Variants in BPIFB4 observed in about 807,000 individuals in gnomAD.
BPIFB4 encodes BPI fold-containing family B member 4.
Under a neutral mutation model 69.2 loss-of-function variants are expected in BPIFB4, and 62 were observed. That is an observed-to-expected ratio of 0.90 (90% confidence interval 0.73 to 1.11). BPIFB4 has a LOEUF of 1.11. BPIFB4 is among the 50% of genes least tolerant of loss of function. The probability of loss-of-function intolerance (pLI) is 0.00; values close to 1 mark genes in which losing one functional copy is unlikely to be tolerated. For missense variants in BPIFB4, 789 were observed against 792.0 expected (o/e 1.00, Z 0.04); for synonymous variants, 330 against 332.7 (o/e 0.99, Z 0.09).
At position 33,088,966 on chromosome 20, in the gene BPIFB4, G is replaced by T; in HGVS notation, c.927G>T (p.Gly309=). 2.5e-6 allele frequency: 4 copies of T among 1,613,764 alleles called. No individual in the cohort carries two copies. Among genetic ancestry groups the T allele is most frequent in the Non-Finnish European group, 3.4e-6 (4 of 1,179,762 alleles). The change falls in exon 8 of 18, where the codon GGG becomes GGT. Residue 309 remains glycine (G), a splice_region_variant and synonymous_variant. Transcript: ENST00000375483. ...CCTCATCCTGCTCCTGTCTCCTTAG[G>T]CTTCTCCCCAATCTCGTGGACAATT... ...LGGIKVKLLR[G]LLPNLVDNLV...
intron 14 of BPIFB4, among the ~76,000 whole-genome samples, chr20:33,101,960 T>C (rs1981919784): frequency 6.6e-6 from 1 of 152,196 alleles, no homozygotes; most frequent in African/African-American, 2.4e-5. Flanking sequence ...ATTGTAAGCT[T>C]TTCTTTTACA....
chr20:33,088,971 TC>T lies in BPIFB4; in HGVS notation c.936del (p.Asn313IlefsTer6). ...GIKVKLLRGL[L>X]PNLVDNLVNR... Reference sequence around the variant, plus strand: ...TCCTGCTCCTGTCTCCTTAGGCTTCTCCCCAATCTCGTGGACAATTTAGTGA... The same window carrying T: ...TCCTGCTCCTGTCTCCTTAGGCTTCTCCCAATCTCGTGGACAATTTAGTGA... On this transcript the variant is annotated frameshift_variant, in exon 8 of 18. Transcript: ENST00000375483. LOFTEE classifies it high-confidence loss of function. The T allele has an allele frequency of 6.2e-7, 1 of 1,613,816 alleles. No homozygotes were observed. Among genetic ancestry groups the T allele is most frequent in the Non-Finnish European group, 8.5e-7 (1 of 1,179,770 alleles).
At position 33,083,770 on chromosome 20, in the gene BPIFB4, C is replaced by T. The variant is rs148665748; in HGVS notation, c.573C>T (p.Leu191=). ...TCCTCGCAGGCCAAGGTGGCCTGCT[C>T]GGCGGAGGTGGTCTCCTTGGTGATG... The part of the protein sequence containing the change: ...DGILAGQGGL[L]GGGGLLGDGG... Residue 191 remains leucine, a synonymous_variant, in exon 5 of 18, where the codon CTC becomes CTT. Transcript: ENST00000375483. 1.6e-5 allele frequency: 26 copies of T among 1,613,668 alleles called. No homozygotes were observed. The East Asian group carries it at 2.9e-4, about 18-fold the overall frequency.
intron 17 of BPIFB4, among the ~76,000 whole-genome samples, chr20:33,110,255 T>C (rs1200447012): frequency 6.6e-6 from 1 of 152,222 alleles, no homozygotes; most frequent in Admixed American, 6.5e-5. Context: ...TTGACATTTC[T>C]GATGAGTCTG....
At chr20:33,109,199 A>AT (rs1982163494) in intron 17 of BPIFB4, among the ~76,000 whole-genome samples, 1 of 152,218 alleles carries the variant, frequency 6.6e-6, no homozygotes, top group South Asian at 2.1e-4. Flanking sequence ...GTGGTGAGAA[A>AT]TTAAACGAGA....
intron 12 of BPIFB4, among the ~76,000 whole-genome samples, chr20:33,095,569 C>T (rs1981733152): frequency 6.6e-6 from 1 of 152,188 alleles, no homozygotes; most frequent in Non-Finnish European, 1.5e-5. Flanking sequence ...GCCAGGCACA[C>T]TCGGGTGCAC....
chr20:33,097,797 T>A lies in BPIFB4; in HGVS notation c.1569+10T>A. 6.2e-7 allele frequency: 1 copy of A among 1,603,280 alleles called. No homozygotes were observed. Among genetic ancestry groups the A allele is most frequent in the Non-Finnish European group, 8.5e-7 (1 of 1,174,256 alleles). On this transcript the variant is annotated intron_variant, in intron 13 of 17. Transcript: ENST00000375483. Reference sequence around the variant, plus strand: ...CTGCCTCATTGACGTGGTGAGTGTCTGGAGGTACTGGTGGCCTCCAGCTGG... The same window carrying A: ...CTGCCTCATTGACGTGGTGAGTGTCAGGAGGTACTGGTGGCCTCCAGCTGG...
At chr20:33,082,610 G>A (rs1436747516) in intron 3 of BPIFB4, among the ~76,000 whole-genome samples, 1 of 152,178 alleles carries the variant, frequency 6.6e-6, no homozygotes, top group East Asian at 1.9e-4. Flanking sequence ...GGGATTACAG[G>A]CATGAGCCAC....
intron 16 of BPIFB4, among the ~76,000 whole-genome samples, chr20:33,105,169 TA>T (rs1478445781): frequency 6.6e-6 from 1 of 152,022 alleles, no homozygotes; most frequent in Non-Finnish European, 1.5e-5. Context: ...TAAAACAATT[TA>T]AAAAAAACTC....
chr20:33,111,476 T>C lies in BPIFB4; in HGVS notation c.*39T>C, dbSNP rs374503104. 234 of 1,613,150 alleles carry C rather than the reference T, an allele frequency of 1.5e-4. No homozygotes were observed. The highest frequency in any genetic ancestry group is 1.8e-4 in the Non-Finnish European group (217 of 1,179,356). On this transcript the variant is annotated 3_prime_UTR_variant, in exon 18 of 18. Coordinates refer to ENST00000375483, the MANE Select transcript of BPIFB4 (RefSeq NM_182519.3). ...AGATGCTGCTGCAACTGGAAGAAGC[T>C]GGAACCAGTCCCAGAGAGGCTCGGC...
intron 7 of BPIFB4, among the ~76,000 whole-genome samples, chr20:33,088,360 A>G (rs1981497241): frequency 6.6e-6 from 1 of 151,822 alleles, no homozygotes; most frequent in Admixed American, 6.6e-5. Flanking sequence ...AAAAAAAGAA[A>G]AGAAAAAGAA....
chr20:33,097,841 A>T, intron 13 of BPIFB4, 54 bp downstream of exon 13: 1 of 1,516,324 alleles, frequency 6.6e-7, no homozygotes, highest in Non-Finnish European at 9.0e-7. Context: ...ACAGAGCCAC[A>T]TGGTCTCCTG....
intron 16 of BPIFB4, among the ~76,000 whole-genome samples, chr20:33,107,400 C>T (rs1427369460): frequency 2.0e-5 from 3 of 152,154 alleles, no homozygotes; most frequent in Admixed American, 6.5e-5. Flanking sequence ...CAAAATCAGC[C>T]TGGCCAACAT....
intron 6 of BPIFB4, among the ~76,000 whole-genome samples, chr20:33,085,332 G>A (rs1297604437): frequency 1.3e-5 from 2 of 152,248 alleles, no homozygotes; most frequent in Non-Finnish European, 2.9e-5. Context: ...GCAGGTGCCT[G>A]TAGTCCCAGC....
At chr20:33,097,521 A>T in intron 12 of BPIFB4, 96 bp from the exon 13 acceptor site, 4 of 1,324,524 alleles carry the variant, frequency 3.0e-6, no homozygotes, top group Non-Finnish European at 4.2e-6. Context: ...AAGCAACATG[A>T]GACCCCGGTG....
In BPIFB4 at chr20:33,083,428, C is replaced by T. The variant is rs200058996; in HGVS notation, c.231C>T (p.Asn77=). 37 of 1,613,418 alleles carry T rather than the reference C, an allele frequency of 2.3e-5. 1 individual carries two copies. Among genetic ancestry groups the T allele is most frequent in the South Asian group, 9.9e-5 (9 of 91,048 alleles). ...GAGGACCCCCCCCAGTATATACCAA[C>T]GGCAAAAAACTTGATGGTATTTACC... ...HVRGPPPVYT[N]GKKLDGIYQY... The change falls in exon 5 of 18, where the codon AAC becomes AAT. Residue 77 remains asparagine, a synonymous_variant. Coordinates refer to ENST00000375483, the MANE Select transcript of BPIFB4 (RefSeq NM_182519.3).
intron 15 of BPIFB4, 59 bp from the exon 16 acceptor site, chr20:33,104,751 G>A (rs1201756730): frequency 6.5e-7 from 1 of 1,537,046 alleles, no homozygotes; most frequent in Non-Finnish European, 9.0e-7. Context: ...AGACCCAAGG[G>A]GCCCTCTGGA....
At position 33,092,568 on chromosome 20, in the gene BPIFB4, C is replaced by G. The variant is rs1334479193; in HGVS notation, c.1254C>G (p.Ser418=). ...ELPPMGDNTK[S]QLAMSANFLG... is the part of the protein sequence containing the mutation. Reference sequence around the variant, plus strand: ...CTCCCATGGGTGACAACACCAAGTCCCAGCTGGCCATGTCTGCCAACTTCC... The same window carrying G: ...CTCCCATGGGTGACAACACCAAGTCGCAGCTGGCCATGTCTGCCAACTTCC... The change falls in exon 11 of 18, where the codon TCC becomes TCG. Residue 418 remains serine (S), a synonymous_variant. Transcript: ENST00000375483. 8.7e-6 allele frequency: 14 copies of G among 1,613,986 alleles called. No homozygotes were observed. The highest frequency in any genetic ancestry group is 1.2e-5 in the Non-Finnish European group (14 of 1,180,028).
chr20:33,106,029 G>A (rs1982044298), intron 16 of BPIFB4, among the ~76,000 whole-genome samples: 1 of 152,210 alleles, frequency 6.6e-6, no homozygotes. Flanking sequence ...GGCCGAGCAA[G>A]TTTGGGAAGT....
Sources: gnomAD v4.1 joint callset for allele counts (sites outside exome capture counted in the v4.1 genomes callset) on GRCh38, gnomAD v4.1.1 for gene constraint, MANE v1.5 for transcripts, NCBI Gene and HGNC (gene_info 2026-07-23, HGNC 2026-07-21) for gene names.